WWOX: variants seen among roughly 807,000 people sequenced by gnomAD.
The protein encoded by WWOX is WW domain-containing oxidoreductase.
WWOX carries 69 observed loss-of-function variants against 46.2 expected under a neutral mutation model. The observed-to-expected ratio is 1.49, with a 90% CI of 1.23 to 1.82. The LOEUF (loss-of-function observed/expected upper bound fraction) is 1.82. WWOX is among the 40% of genes most tolerant of loss of function. The pLI is 0.00. For synonymous variants in WWOX, 359 were observed against 202.6 expected, an observed-to-expected ratio of 1.77 and a Z score of -6.56; for missense variants, 919 against 542.6, an observed-to-expected ratio of 1.69 and a Z score of -6.89.
intron 8 of WWOX, among the ~76,000 whole-genome samples, chr16:79,133,774 C>G (rs1392097757): frequency 2.0e-5 from 3 of 152,158 alleles, no homozygotes; most frequent in African/African-American, 7.2e-5. Context: ...TATTACTTAA[C>G]TAGGCGTATA....
At chr16:78,424,166 G>A (rs2083022176) in intron 6 of WWOX, among the ~76,000 whole-genome samples, 2 of 131,388 alleles carry the variant, frequency 1.5e-5, no homozygotes, top group South Asian at 2.5e-4. Context: ...TGGTCAGGCT[G>A]GAGTGCAGTG....
chr16:79,032,232 GTATA>G (rs761064379), intron 8 of WWOX, among the ~76,000 whole-genome samples: 15 of 145,592 alleles, frequency 1.0e-4, no homozygotes, highest in Non-Finnish European at 1.7e-4. Flanking sequence ...ATATATGTAT[GTATA>G]GAGAGTCTAT....
chr16:78,403,112 G>A (rs911917659), intron 6 of WWOX, among the ~76,000 whole-genome samples: 1 of 152,206 alleles, frequency 6.6e-6, no homozygotes, highest in African/African-American at 2.4e-5. Flanking sequence ...GGAAAGAGTC[G>A]TCATTGGCAA....
At chr16:79,070,675 A>G (rs1216649986) in intron 8 of WWOX, among the ~76,000 whole-genome samples, 1 of 152,194 alleles carries the variant, frequency 6.6e-6, no homozygotes, top group African/African-American at 2.4e-5. Flanking sequence ...AGATGTCAAC[A>G]ATCCAGGAGC....
At chr16:78,526,045 A>T (rs1025317562) in intron 8 of WWOX, 4 of 152,248 alleles carry the variant, frequency 2.6e-5, no homozygotes, top group African/African-American at 9.6e-5. Context: ...TTTTGATGAA[A>T]GAGGTTTCCT....
intron 8 of WWOX, among the ~76,000 whole-genome samples, chr16:79,120,436 G>GC (rs1567563106): frequency 1.3e-5 from 2 of 152,122 alleles, no homozygotes; most frequent in South Asian, 4.1e-4. Context: ...AAGTTTAGGC[G>GC]CCCCTCCTGC....
intron 8 of WWOX, among the ~76,000 whole-genome samples, chr16:78,484,972 C>G (rs2084593330): frequency 1.3e-5 from 2 of 152,058 alleles, no homozygotes; most frequent in Non-Finnish European, 2.9e-5. Context: ...ACGCTCTGCT[C>G]TGCCCTGCCT....
At chr16:78,480,772 C>T (rs941489226) in intron 8 of WWOX, among the ~76,000 whole-genome samples, 13 of 152,180 alleles carry the variant, frequency 8.5e-5, no homozygotes, top group Admixed American at 8.5e-4. Context: ...CATGTTGGAA[C>T]CTTTGCTCCT....
intron 5 of WWOX, among the ~76,000 whole-genome samples, chr16:78,211,421 G>A (rs960499564): frequency 2.0e-5 from 3 of 152,056 alleles, no homozygotes; most frequent in African/African-American, 7.2e-5. Context: ...CAGGTTCTTG[G>A]GGAAGACTTC....
chr16:78,771,291 G>GTC (rs1250404059), intron 8 of WWOX, among the ~76,000 whole-genome samples: 1 of 152,180 alleles, frequency 6.6e-6, no homozygotes, highest in African/African-American at 2.4e-5. Flanking sequence ...AGGGTATCCA[G>GTC]TTAGGAAGCT....
intron 8 of WWOX, among the ~76,000 whole-genome samples, chr16:78,538,005 G>A (rs528452215): frequency 6.6e-6 from 1 of 152,174 alleles, no homozygotes; most frequent in Admixed American, 6.5e-5. Flanking sequence ...CTTGAAAACG[G>A]AAAAGATGAG....
chr16:78,877,284 C>A (rs187454717), intron 8 of WWOX, among the ~76,000 whole-genome samples: 69 of 151,080 alleles, frequency 4.6e-4, no homozygotes, highest in African/African-American at 6.1e-4. Flanking sequence ...TGCCTCCCCC[C>A]CTCTGACCCG....
chr16:78,759,177 A>G (rs939974962), intron 8 of WWOX, among the ~76,000 whole-genome samples: 5 of 152,112 alleles, frequency 3.3e-5, no homozygotes, highest in African/African-American at 9.7e-5. Flanking sequence ...AGTGGTGACT[A>G]TGGGAAGATT....
intron 8 of WWOX, among the ~76,000 whole-genome samples, chr16:78,793,884 C>A (rs1446583770): frequency 6.6e-6 from 1 of 151,252 alleles, no homozygotes; most frequent in Non-Finnish European, 1.5e-5. Context: ...AAGACCTCCT[C>A]ATCTCTACAA....
chr16:79,046,862 C>T (rs1174049427), intron 8 of WWOX, among the ~76,000 whole-genome samples: 1 of 152,164 alleles, frequency 6.6e-6, no homozygotes, highest in Non-Finnish European at 1.5e-5. Context: ...TCTAGTCCTT[C>T]TTTTCTCTTC....
intron 8 of WWOX, among the ~76,000 whole-genome samples, chr16:78,578,264 ATATATATATATATATATATAT>A (rs2044945704): frequency 4.9e-5 from 1 of 20,286 alleles, no homozygotes. Flanking sequence ...TTATATATAT[ATATATATATATATATATATAT>A]TTTTTTTTTT....
At chr16:78,654,802 T>C (rs145346716) in intron 8 of WWOX, among the ~76,000 whole-genome samples, 1 of 152,270 alleles carries the variant, frequency 6.6e-6, no homozygotes, top group East Asian at 1.9e-4. Context: ...TACTGTTGTT[T>C]TGAATTTTGG....
intron 5 of WWOX, among the ~76,000 whole-genome samples, chr16:78,382,231 T>G (rs2081969480): frequency 6.6e-6 from 1 of 152,206 alleles, no homozygotes; most frequent in South Asian, 2.1e-4. Context: ...CGTTGCACCT[T>G]CTAGAAGCTA....
intron 8 of WWOX, among the ~76,000 whole-genome samples, chr16:79,095,934 C>G (rs1384440903): frequency 6.8e-6 from 1 of 147,104 alleles, no homozygotes; most frequent in East Asian, 2.0e-4. Context: ...ACTGCAACCT[C>G]TGCCTCCCAG....
Sources: gnomAD v4.1 joint callset for allele counts (sites outside exome capture counted in the v4.1 genomes callset) on GRCh38, gnomAD v4.1.1 for gene constraint, MANE v1.5 for transcripts, NCBI Gene and HGNC (gene_info 2026-07-23, HGNC 2026-07-21) for gene names.